AKR7A3: variants seen among roughly 807,000 people sequenced by gnomAD.
AKR7A3 encodes the protein aldo-keto reductase family 7 member A3, also known as AFB1 aldehyde reductase 2.
A neutral mutation model predicts 32.5 loss-of-function variants in AKR7A3; 37 were observed. The ratio of observed to expected loss-of-function variants is 1.14; its 90% CI spans 0.88 to 1.50. The LOEUF is 1.50. Ranked by LOEUF, AKR7A3 falls within the 40% of genes most tolerant of loss-of-function variation. The pLI is 0.00. For synonymous variants in AKR7A3, 177 were observed against 188.4 expected (o/e 0.94, Z 0.50); for missense variants, 412 against 453.2 (o/e 0.91, Z 0.83).
At chr1:19,286,746 T>G (rs1482296056) in intron 1 of AKR7A3, among the ~76,000 whole-genome samples, 1 of 151,296 alleles carries the variant, frequency 6.6e-6, no homozygotes, top group East Asian at 1.9e-4. Context: ...GACTAACAGG[T>G]GAGTGGAGAG....
In AKR7A3 at chr1:19,284,665, C is replaced by A. The variant is rs765275137; in HGVS notation, c.704+21G>T. 9 of 1,613,010 alleles carry A rather than the reference C, an allele frequency of 5.6e-6. No individual in the cohort carries two copies. In the East Asian group the frequency reaches 2.0e-4, roughly 36 times the overall value. ...AAGCTGACCCCACCCCAGCCATCCA[C>A]ACCAAGCACCCACAGCTTACCGATT... On this transcript the variant is annotated intron_variant, in intron 5 of 6. Transcript: ENST00000361640.
At chr1:19,283,158 CCTCT>C (rs1416109772) in intron 6 of AKR7A3, among the ~76,000 whole-genome samples, 1 of 149,210 alleles carries the variant, frequency 6.7e-6, no homozygotes, top group Non-Finnish European at 1.5e-5. Flanking sequence ...AGTTATTAAA[CCTCT>C]CTGAGATTCA....
chr1:19,283,736 CAAGA>C lies in AKR7A3; in HGVS notation c.834+256_834+259del, dbSNP rs531294925. Among the ~76,000 whole-genome samples, 115 of 151,934 alleles carry C rather than the reference CAAGA, an allele frequency of 7.6e-4. 6 individuals are homozygous for C. Among genetic ancestry groups the C allele is most frequent in the African/African-American group, 2.7e-3 (113 of 41,252 alleles). ...ATCCCAGCTACTGGGGAGGCTGAGA[CAAGA>C]GAGTTGCTTCGGCCCAAGAGGCAGA... On this transcript the variant is annotated intron_variant, in intron 6 of 6. Coordinates refer to ENST00000361640, the MANE Select transcript of AKR7A3 (RefSeq NM_012067.3).
rs541750969 is a variant in AKR7A3 at position 19,285,977 on chromosome 1, G to A, written c.418C>T (p.Leu140Phe). Residue 140 changes from leucine (L) to phenylalanine (F), a missense_variant, in exon 3 of 7, where the codon CTT becomes TTT. Physicochemically the swap from Leu to Phe is conservative, Grantham distance 22. Coordinates refer to ENST00000361640, the MANE Select transcript of AKR7A3 (RefSeq NM_012067.3). ...CAGGCTGCATAGTTGGAGAGGCCAA[G>A]CTCCACGAACTTGCCCTGCTCAGGT... ...QLHQEGKFVE[L>F]GLSNYAAWEV... 66 of 1,613,648 alleles carry A rather than the reference G, an allele frequency of 4.1e-5. No homozygotes were observed. Among genetic ancestry groups the A allele is most frequent in the Non-Finnish European group, 5.2e-5 (61 of 1,179,962 alleles).
chr1:19,287,970 TACC>T (rs2093733889), intron 1 of AKR7A3, among the ~76,000 whole-genome samples: 1 of 152,038 alleles, frequency 6.6e-6, no homozygotes, highest in African/African-American at 2.4e-5. Context: ...CCCTTGTGAG[TACC>T]ACAAGGTACT....
At chr1:19,279,683 G>T (rs559994353), downstream of AKR7A3, among the ~76,000 whole-genome samples, 12 of 151,972 alleles carry the variant, frequency 7.9e-5, no homozygotes, top group South Asian at 2.5e-3. Flanking sequence ...ATGATGTTGA[G>T]CGCTTTCTCA....
chr1:19,285,921 C>G lies in AKR7A3; in HGVS notation c.474G>C (p.Lys158Asn), dbSNP rs375015996. ...WEVAEICTLC[K>N]SNGWILPTVY... ...CAGTGGGCAGGATCCAGCCGTTGCT[C>G]TTGCAGAGGGTACAGATCTCGGCCA... The change falls in exon 3 of 7, where the codon AAG becomes AAC. Residue 158 changes from lysine to asparagine, a missense_variant. Coordinates refer to ENST00000361640, the MANE Select transcript of AKR7A3 (RefSeq NM_012067.3). The G allele has an allele frequency of 3.2e-5, 52 of 1,613,550 alleles. No homozygotes were observed. Among genetic ancestry groups the G allele is most frequent in the Non-Finnish European group, 4.2e-5 (49 of 1,179,886 alleles).
the AKR7A3 span, among the ~76,000 whole-genome samples, chr1:19,276,987 G>T: frequency 6.6e-6 from 1 of 151,580 alleles, no homozygotes; most frequent in Non-Finnish European, 1.5e-5. Flanking sequence ...GGTGGCTCAT[G>T]CCTATAATCC....
At chr1:19,276,692 C>T in the AKR7A3 span, among the ~76,000 whole-genome samples, 1,039 of 151,626 alleles carry the variant, frequency 6.9e-3, 7 homozygotes, top group Non-Finnish European at 0.012. Flanking sequence ...ATCTCAGCTA[C>T]TCGAGAGGCT....
At chr1:19,284,539 C>A in intron 5 of AKR7A3, 147 bp downstream of exon 5, 5 of 911,678 alleles carry the variant, frequency 5.5e-6, no homozygotes, top group Admixed American at 2.4e-5. Flanking sequence ...AACAAGAAAA[C>A]CGATGGAGGG....
chr1:19,276,838 G>A, the AKR7A3 span, among the ~76,000 whole-genome samples: 1 of 151,614 alleles, frequency 6.6e-6, no homozygotes, highest in African/African-American at 2.4e-5. Context: ...CAGGCCAGGT[G>A]TGGTGGCTCA....
Position 19,287,594 on chromosome 1 carries a change from C to T in AKR7A3, c.214+902G>A, listed in dbSNP as rs1346657576. Among the ~76,000 whole-genome samples the T allele has an allele frequency of 5.3e-5, 8 of 152,082 alleles. No homozygotes were observed. In the South Asian group the frequency reaches 1.7e-3, roughly 31 times the overall value. ...TGGCATCAGACTGAGGGCGGCTCCT[C>T]CTGCCCCTATACACACATCCTCCCC... On this transcript the variant is annotated intron_variant, in intron 1 of 6. Transcript: ENST00000361640.
the AKR7A3 span, chr1:19,274,259 G>A: frequency 2.4e-6 from 3 of 1,249,088 alleles, no homozygotes; most frequent in African/African-American, 1.6e-5. Flanking sequence ...TCTCAACCAC[G>A]AGGACCGTCT....
At chr1:19,284,880 G>C (rs757362631) in intron 4 of AKR7A3, 95 bp from the exon 5 acceptor site, 73 of 1,569,410 alleles carry the variant, frequency 4.7e-5, no homozygotes, top group Non-Finnish European at 6.2e-5. Context: ...CAGGGACCCA[G>C]GAGGGCTGAA....
intron 1 of AKR7A3, among the ~76,000 whole-genome samples, chr1:19,287,463 A>G (rs773329962): frequency 2.6e-5 from 4 of 151,972 alleles, no homozygotes; most frequent in Admixed American, 6.5e-5. Context: ...CCACTCAGAC[A>G]CTCAGTGGAA....
chr1:19,277,110 T>A, the AKR7A3 span, among the ~76,000 whole-genome samples: 1 of 151,140 alleles, frequency 6.6e-6, no homozygotes, highest in African/African-American at 2.4e-5. Flanking sequence ...TGAGACTCCG[T>A]CTCAAAAAAA....
intron 1 of AKR7A3, among the ~76,000 whole-genome samples, chr1:19,288,084 C>A (rs1210787879): frequency 6.6e-6 from 1 of 152,190 alleles, no homozygotes; most frequent in African/African-American, 2.4e-5. Flanking sequence ...CCAGGGAGTG[C>A]CAGGCGGTAA....
Position 19,286,308 on chromosome 1 carries a change from G to T in AKR7A3, c.279C>A (p.Phe93Leu). The T allele has an allele frequency of 6.2e-7, 1 of 1,613,952 alleles. No homozygotes were observed. Among genetic ancestry groups the T allele is most frequent in the Non-Finnish European group, 8.5e-7 (1 of 1,180,038 alleles). The change falls in exon 2 of 7, where the codon TTC becomes TTA. Residue 93 changes from phenylalanine to leucine, a missense_variant. By Grantham distance (22) the Phe-to-Leu change is conservative. Coordinates refer to ENST00000361640, the MANE Select transcript of AKR7A3 (RefSeq NM_012067.3). ...GCCGCTTCAGTGACGTCTCCAGCTG[G>T]AACCGGAGACTGTCAGGCTTCAGGG... ...GNSLKPDSLR[F>L]QLETSLKRLQ...
At chr1:19,279,318 C>T (rs2093715599), downstream of AKR7A3, among the ~76,000 whole-genome samples, 1 of 151,760 alleles carries the variant, frequency 6.6e-6, no homozygotes. Flanking sequence ...TTTGTTTATC[C>T]TTTCATTCAT....
Sources: allele counts gnomAD v4.1 joint callset (sites outside exome capture counted in the v4.1 genomes callset), GRCh38; gene constraint gnomAD v4.1.1; transcripts MANE v1.5; gene names NCBI Gene and HGNC (gene_info 2026-07-23, HGNC 2026-07-21).